Variants in SLC23A2 observed in about 807,000 individuals in gnomAD.
SLC23A2 encodes the protein Na(+)/L-ascorbic acid transporter 2.
SLC23A2 carries 36 observed loss-of-function variants against 73.3 expected under a neutral mutation model. The ratio of observed to expected loss-of-function variants is 0.49; its 90% CI spans 0.38 to 0.65. SLC23A2 has a LOEUF of 0.65. Ranked by LOEUF, SLC23A2 falls within the 30% of genes least tolerant of loss-of-function variation. SLC23A2 has a pLI of 0.00. For missense variants in SLC23A2, 507 were observed against 841.6 expected, an observed-to-expected ratio of 0.60 and a Z score of 4.92; for synonymous variants, 343 against 327.3, an observed-to-expected ratio of 1.05 and a Z score of -0.52.
chr20:4,932,510 G>A lies in SLC23A2; in HGVS notation c.53C>T (p.Ser18Leu). 6.2e-7 allele frequency: 1 copy of A among 1,611,184 alleles called. No individual in the cohort carries two copies. Among genetic ancestry groups the A allele is most frequent in the Non-Finnish European group, 8.5e-7 (1 of 1,177,312 alleles). ...TTSKSMEAGS[S>L]TEGKYEDEAK... ...CTCGTCTTCGTATTTGCCTTCTGTT[G>A]AACTTCCAGCCTCCATTGATTTGGA... is the stretch of plus-strand genomic sequence containing the variant. The change falls in exon 3 of 17, where the codon TCA (serine) becomes TTA (leucine). Residue 18 changes from serine (S) to leucine (L), a missense_variant. Physicochemically the swap from Ser to Leu is moderately radical, Grantham distance 145. This residue lies in a region of SLC23A2 where 17 missense variants were observed against 36.4 expected (regional missense o/e 0.47). Transcript: ENST00000338244.
At chr20:4,981,711 T>C (rs2122269325) in intron 1 of SLC23A2, among the ~76,000 whole-genome samples, 1 of 147,774 alleles carries the variant, frequency 6.8e-6, no homozygotes, top group South Asian at 2.3e-4. Context: ...CCTTCCTTTC[T>C]TTATCTTTCA....
At position 4,932,734 on chromosome 20, in the gene SLC23A2, A is replaced by C. The variant is rs1160597960; in HGVS notation, c.-154-18T>G. On this transcript the variant is annotated intron_variant, in intron 2 of 16. Transcript: ENST00000338244. ...CTTAGCACCTAGAAAAGAAGAGCAC[A>C]GCCAAATCACCCCAAAGCATGAAAA... is the stretch of plus-strand genomic sequence containing the variant. 2 of 584,378 alleles carry C rather than the reference A, an allele frequency of 3.4e-6. No homozygotes were observed. The highest frequency in any genetic ancestry group is 6.1e-6 in the Non-Finnish European group (2 of 328,948). The allele number at this position is 584,378 out of a possible 1,614,324, so 36.2% of individuals were successfully genotyped here.
rs1312321833 is a variant in SLC23A2, at chr20:4,883,342, G to A, written c.824+300C>T. 6.6e-6 allele frequency among the ~76,000 whole-genome samples: 1 copy of A among 152,056 alleles called. No individual in the cohort carries two copies. The highest frequency in any genetic ancestry group is 1.5e-5 in the Non-Finnish European group (1 of 68,010). ...ATGTCAACTCATGAACATGAGACTT[G>A]GCAAGACCTCAAAAGTCAAAAACAA... On this transcript the variant is annotated intron_variant, in intron 9 of 16. Coordinates refer to ENST00000338244, the MANE Select transcript of SLC23A2 (RefSeq NM_005116.6). The surrounding 1 kb of genome is among the most constrained non-coding windows in gnomAD (Gnocchi z 4.5).
Position 4,883,494 on chromosome 20 carries a change from C to G in SLC23A2, c.824+148G>C, listed in dbSNP as rs1930973424. On this transcript the variant is annotated intron_variant, in intron 9 of 16. Transcript: ENST00000338244. The surrounding 1 kb of genome is among the most constrained non-coding windows in gnomAD (Gnocchi z 4.5). ...CACTTCCCAAACTCTGGGTCAAAAA[C>G]CCTTCAACTATTCCCCAGCACGAAG... The G allele has an allele frequency of 3.3e-6, 2 of 608,474 alleles. No individual in the cohort carries two copies. Among genetic ancestry groups the G allele is most frequent in the African/African-American group, 1.9e-5 (1 of 53,076 alleles). 37.7% of individuals were successfully genotyped at this position (608,474 alleles called of 1,614,324 possible).
intron 4 of SLC23A2, among the ~76,000 whole-genome samples, chr20:4,904,141 T>C (rs1015798896): frequency 1.3e-5 from 2 of 152,106 alleles, no homozygotes; most frequent in African/African-American, 4.8e-5. Context: ...TTTATACATA[T>C]TTTTTTACCT....
intron 6 of SLC23A2, among the ~76,000 whole-genome samples, chr20:4,894,043 C>CAG (rs1931431005): frequency 1.3e-5 from 2 of 152,184 alleles, no homozygotes; most frequent in Non-Finnish European, 2.9e-5. Flanking sequence ...AGGGGACTCT[C>CAG]AAAACCCTGA....
chr20:4,929,345 C>A (rs1932760040), intron 3 of SLC23A2, among the ~76,000 whole-genome samples: 1 of 151,906 alleles, frequency 6.6e-6, no homozygotes, highest in Non-Finnish European at 1.5e-5. Context: ...CTGGGCTGAG[C>A]CTGGAAGCCC....
At chr20:4,995,868 G>C (rs1444755370) in intron 1 of SLC23A2, among the ~76,000 whole-genome samples, 2 of 152,146 alleles carry the variant, frequency 1.3e-5, no homozygotes, top group African/African-American at 4.8e-5. Context: ...AGGAGTGCTG[G>C]GCAGAGCTCC....
chr20:5,003,576 A>C (rs1439630227), upstream of SLC23A2, among the ~76,000 whole-genome samples: 1 of 151,784 alleles, frequency 6.6e-6, no homozygotes, highest in Non-Finnish European at 1.5e-5. Context: ...TTCTGATTAG[A>C]AGGGAAGGGA....
At chr20:4,962,721 T>C (rs1241004704) in intron 2 of SLC23A2, among the ~76,000 whole-genome samples, 1 of 151,924 alleles carries the variant, frequency 6.6e-6, no homozygotes. Context: ...CTAGATGGCC[T>C]GGCGCAGTGG....
At chr20:4,894,464 G>A (rs565877777) in intron 6 of SLC23A2, among the ~76,000 whole-genome samples, 1 of 152,354 alleles carries the variant, frequency 6.6e-6, no homozygotes, top group South Asian at 2.1e-4. Context: ...AGGGTCTGCA[G>A]CCTGCACAAC....
At chr20:4,951,900 T>G (rs1390321825) in intron 2 of SLC23A2, among the ~76,000 whole-genome samples, 1 of 151,850 alleles carries the variant, frequency 6.6e-6, no homozygotes, top group African/African-American at 2.4e-5. Flanking sequence ...GTCAGGAGTT[T>G]GAGACCAGCC....
At chr20:4,933,994 A>G (rs2122947837) in intron 2 of SLC23A2, among the ~76,000 whole-genome samples, 1 of 152,364 alleles carries the variant, frequency 6.6e-6, no homozygotes, top group South Asian at 2.1e-4. Flanking sequence ...AAAGAAATAA[A>G]AAAGAGAAAG....
intron 1 of SLC23A2, among the ~76,000 whole-genome samples, chr20:4,975,846 GTTTC>G (rs1431572922): frequency 2.2e-4 from 33 of 149,112 alleles, no homozygotes; most frequent in Non-Finnish European, 4.0e-4. Context: ...ATTTGCAAGA[GTTTC>G]TTTCTTTCTT....
intron 4 of SLC23A2, among the ~76,000 whole-genome samples, chr20:4,911,403 G>T (rs1434273854): frequency 6.6e-6 from 1 of 152,118 alleles, no homozygotes; most frequent in African/African-American, 2.4e-5. Flanking sequence ...GTTTAAAAGG[G>T]CATAAAATTT....
At chr20:4,917,093 C>G (rs1351299592) in intron 3 of SLC23A2, among the ~76,000 whole-genome samples, 2 of 152,186 alleles carry the variant, frequency 1.3e-5, no homozygotes, top group Non-Finnish European at 2.9e-5. Context: ...TCCTGCCTCC[C>G]TGCAGGAGCT....
intron 2 of SLC23A2, among the ~76,000 whole-genome samples, chr20:4,954,876 G>A (rs2087260039): frequency 6.6e-6 from 1 of 151,984 alleles, no homozygotes; most frequent in African/African-American, 2.4e-5. Flanking sequence ...CACCCAGAGG[G>A]GTGCCCTTTA....
chr20:4,936,694 C>CA (rs1405383362), intron 2 of SLC23A2, among the ~76,000 whole-genome samples: 2 of 152,196 alleles, frequency 1.3e-5, no homozygotes, highest in Admixed American at 6.5e-5. Context: ...AACCCCTCCC[C>CA]ACCGTCCCCA....
chr20:4,862,278 G>A lies in SLC23A2; in HGVS notation c.1487-193C>T, dbSNP rs1317231031. Among the ~76,000 whole-genome samples, 8 of 152,328 alleles carry A rather than the reference G, an allele frequency of 5.3e-5. No homozygotes were observed. The highest frequency in any genetic ancestry group is 3.4e-3 in the Middle Eastern group (1 of 294). ...CGCTCTGAGCCAAATGACCCTCGGC[G>A]TACGCGCTATTTGGGCTCCTACGGG... is the stretch of plus-strand genomic sequence containing the variant. On this transcript the variant is annotated intron_variant, in intron 14 of 16. Transcript: ENST00000338244. The surrounding 1 kb of genome is among the most constrained non-coding windows in gnomAD (Gnocchi z 5.1).
Sources: allele counts gnomAD v4.1 joint callset (sites outside exome capture counted in the v4.1 genomes callset), GRCh38; gene constraint gnomAD v4.1.1; regional missense constraint gnomAD v4.1.1; non-coding constraint Gnocchi (gnomAD v3.1); transcripts MANE v1.5; gene names NCBI Gene and HGNC (gene_info 2026-07-23, HGNC 2026-07-21).